Variants in SLC39A11 observed in about 807,000 individuals in gnomAD.
SLC39A11 encodes the protein zinc transporter ZIP11.
Under a neutral mutation model 36.1 loss-of-function variants are expected in SLC39A11, and 33 were observed. The observed-to-expected ratio is 0.91, with a 90% CI of 0.69 to 1.22. The LOEUF is 1.22. SLC39A11 is among the 50% of genes most tolerant of loss of function. SLC39A11 has a pLI of 0.00. For synonymous variants in SLC39A11, 166 were observed against 170.3 expected, an observed-to-expected ratio of 0.97 and a Z score of 0.20; for missense variants, 432 against 430.3, an observed-to-expected ratio of 1.00 and a Z score of -0.03.
rs935534864 is a variant in SLC39A11, at chr17:72,857,429, T to C, written c.431-7625A>G. Among the ~76,000 whole-genome samples, 3 of 152,194 alleles carry C rather than the reference T, an allele frequency of 2.0e-5. No individual in the cohort carries two copies. In the East Asian group the frequency reaches 5.8e-4, roughly 29 times the overall value. ...TCCATGTCCTTGCCATTGTGAATAG[T>C]GCTGCAATGAACATTGATGTGCATG... On this transcript the variant is annotated intron_variant, in intron 5 of 9. Transcript: ENST00000255559.
At chr17:73,087,165 T>A (rs1254928620) in intron 2 of SLC39A11, among the ~76,000 whole-genome samples, 1 of 152,222 alleles carries the variant, frequency 6.6e-6, no homozygotes, top group Non-Finnish European at 1.5e-5. Flanking sequence ...TTCTACAATG[T>A]GTCTCTGTGA....
chr17:72,946,880 G>A (rs964148773), intron 5 of SLC39A11, among the ~76,000 whole-genome samples: 1 of 152,198 alleles, frequency 6.6e-6, no homozygotes, highest in Non-Finnish European at 1.5e-5. Flanking sequence ...AAGGGCAACA[G>A]CCCACTCTGC....
At chr17:72,962,648 T>C (rs867003888) in intron 4 of SLC39A11, among the ~76,000 whole-genome samples, 2 of 152,300 alleles carry the variant, frequency 1.3e-5, no homozygotes, top group Middle Eastern at 3.4e-3. Flanking sequence ...GCAATTCTCC[T>C]GTCTCAGCTT....
chr17:73,059,699 T>A (rs2059779433), intron 3 of SLC39A11, among the ~76,000 whole-genome samples: 1 of 81,508 alleles, frequency 1.2e-5, no homozygotes, highest in Non-Finnish European at 2.7e-5. Context: ...CAACTCCATA[T>A]GCAAGGAAAA....
intron 6 of SLC39A11, among the ~76,000 whole-genome samples, chr17:72,783,018 A>AAG (rs1555671241): frequency 1.4e-5 from 2 of 142,380 alleles, no homozygotes; most frequent in East Asian, 1.9e-4. Context: ...AAAAAAAAAA[A>AAG]AAAAGAAAAA....
chr17:72,939,124 C>T (rs2084937818), intron 5 of SLC39A11, among the ~76,000 whole-genome samples: 1 of 152,168 alleles, frequency 6.6e-6, no homozygotes, highest in African/African-American at 2.4e-5. Flanking sequence ...GTGCTGAATA[C>T]TGTCCCCCGC....
Position 72,879,595 on chromosome 17 carries a change from T to C in SLC39A11, c.431-29791A>G, listed in dbSNP as rs948012062. ...GGAGGTTTTGTCTGTTTTGCCGTAG[T>C]GTTACTAAAACCACCCTCACAGGGT... On this transcript the variant is annotated intron_variant, in intron 5 of 9. Coordinates refer to ENST00000255559, the MANE Select transcript of SLC39A11 (RefSeq NM_139177.4). 9.9e-5 allele frequency among the ~76,000 whole-genome samples: 15 copies of C among 152,202 alleles called. 1 individual carries two copies. The highest frequency in any genetic ancestry group is 6.2e-4 in the South Asian group (3 of 4,830).
At chr17:73,066,372 C>T (rs2059996945) in intron 3 of SLC39A11, among the ~76,000 whole-genome samples, 1 of 152,162 alleles carries the variant, frequency 6.6e-6, no homozygotes, top group South Asian at 2.1e-4. Flanking sequence ...AACCTAGAAC[C>T]AGGGGAAATA....
chr17:72,884,154 CA>C (rs951622851), intron 5 of SLC39A11, among the ~76,000 whole-genome samples: 6 of 149,812 alleles, frequency 4.0e-5, no homozygotes, highest in Admixed American at 3.3e-4. Flanking sequence ...GCTCTGTCTC[CA>C]AAAAAAAGAA....
chr17:72,910,866 G>A (rs2082947983), intron 5 of SLC39A11, among the ~76,000 whole-genome samples: 1 of 148,748 alleles, frequency 6.7e-6, no homozygotes, highest in African/African-American at 2.5e-5. Context: ...GGCAGAGGTT[G>A]CAGTGAGCCA....
chr17:72,999,738 TTTTG>T (rs1182547650), intron 4 of SLC39A11, among the ~76,000 whole-genome samples: 5 of 152,090 alleles, frequency 3.3e-5, no homozygotes, highest in Non-Finnish European at 4.4e-5. Context: ...GTATCTGTTT[TTTTG>T]TTTGTTTGTT....
At chr17:72,762,795 C>G (rs943380011) in intron 6 of SLC39A11, among the ~76,000 whole-genome samples, 1 of 151,960 alleles carries the variant, frequency 6.6e-6, no homozygotes, top group South Asian at 2.1e-4. Context: ...CCATTCGATT[C>G]CTACTCAAAC....
chr17:72,768,078 G>C (rs2075815663), intron 6 of SLC39A11, among the ~76,000 whole-genome samples: 1 of 152,124 alleles, frequency 6.6e-6, no homozygotes, highest in Non-Finnish European at 1.5e-5. Context: ...GCTCCCTGGT[G>C]GGGGCCACAG....
intron 7 of SLC39A11, among the ~76,000 whole-genome samples, chr17:72,688,650 T>C (rs1004846238): frequency 5.3e-5 from 8 of 152,206 alleles, no homozygotes; most frequent in Non-Finnish European, 1.2e-4. Flanking sequence ...CACAGTAGTT[T>C]CCAGTCGTCA....
At chr17:72,858,294 A>G (rs2079766229) in intron 5 of SLC39A11, among the ~76,000 whole-genome samples, 1 of 152,096 alleles carries the variant, frequency 6.6e-6, no homozygotes, top group Admixed American at 6.6e-5. Flanking sequence ...GTAGATGTTC[A>G]GCCTTATATA....
At chr17:72,965,110 A>AG (rs958426162) in intron 4 of SLC39A11, among the ~76,000 whole-genome samples, 2 of 136,266 alleles carry the variant, frequency 1.5e-5, no homozygotes, top group African/African-American at 5.4e-5. Flanking sequence ...AGGTGGGGGA[A>AG]GGGGGGAGGG....
chr17:72,751,514 T>C (rs1371667792), intron 6 of SLC39A11, among the ~76,000 whole-genome samples: 2 of 152,216 alleles, frequency 1.3e-5, no homozygotes, highest in Non-Finnish European at 2.9e-5. Flanking sequence ...CATTTTTAAG[T>C]GTACATTCAT....
At chr17:72,724,811 A>T (rs1598457226) in intron 7 of SLC39A11, among the ~76,000 whole-genome samples, 1 of 152,124 alleles carries the variant, frequency 6.6e-6, no homozygotes, top group African/African-American at 2.4e-5. Context: ...CTAAAAAAAA[A>T]AAAAATACTT....
At chr17:72,983,409 G>A (rs112657027) in intron 4 of SLC39A11, among the ~76,000 whole-genome samples, 6,275 of 152,222 alleles carry the variant, frequency 0.041, 456 homozygotes, top group African/African-American at 0.14. Flanking sequence ...TCGGCCTCCC[G>A]AAGTGCTGGG....
Sources: allele counts gnomAD v4.1 joint callset (sites outside exome capture counted in the v4.1 genomes callset), GRCh38; gene constraint gnomAD v4.1.1; transcripts MANE v1.5; gene names NCBI Gene and HGNC (gene_info 2026-07-23, HGNC 2026-07-21).